Variants in ZCCHC4 observed in about 807,000 individuals in gnomAD.
ZCCHC4 encodes the protein zinc finger CCHC-type containing 4.
ZCCHC4 carries 54 observed loss-of-function variants against 67.7 expected under a neutral mutation model. That is an observed-to-expected ratio of 0.80 (90% CI 0.64 to 1.00). ZCCHC4 has a LOEUF of 1.00. Ranked by LOEUF, ZCCHC4 falls within the 50% of genes least tolerant of loss-of-function variation. The pLI is 0.00. For missense variants in ZCCHC4, 609 were observed against 617.0 expected (o/e 0.99, Z 0.14); for synonymous variants, 198 against 213.5 (o/e 0.93, Z 0.63).
Position 25,369,872 on chromosome 4 carries a change from A to C in ZCCHC4, c.*708A>C, listed in dbSNP as rs1361425852. ...AAAAGTATGTTAATTTAAATAGGAA[A>C]ATATTTTATGTTAAATATGAAACAA... On this transcript the variant is annotated 3_prime_UTR_variant, in exon 13 of 13. Transcript: ENST00000302874. 6.6e-6 allele frequency: 1 copy of C among 152,228 alleles called. No homozygotes were observed. Among genetic ancestry groups the C allele is most frequent in the Admixed American group, 6.5e-5 (1 of 15,286 alleles). 9.4% of individuals were successfully genotyped at this position (152,228 alleles called of 1,614,324 possible).
intron 3 of ZCCHC4, among the ~76,000 whole-genome samples, chr4:25,332,095 G>A (rs1021615824): frequency 6.6e-6 from 1 of 152,108 alleles, no homozygotes; most frequent in South Asian, 2.1e-4. Context: ...ATCACCTGAG[G>A]TCAGGAGTTT....
At chr4:25,322,683 A>G (rs1404781803) in intron 3 of ZCCHC4, among the ~76,000 whole-genome samples, 5 of 151,900 alleles carry the variant, frequency 3.3e-5, no homozygotes, top group Non-Finnish European at 5.9e-5. Context: ...ATGCCTGGCT[A>G]ATTTTTGTAT....
chr4:25,358,529 T>C (rs1236462975), intron 8 of ZCCHC4, among the ~76,000 whole-genome samples: 2 of 152,254 alleles, frequency 1.3e-5, no homozygotes, highest in Non-Finnish European at 2.9e-5. Context: ...CAATGTGAAT[T>C]TGTCATAACA....
rs770562257 is a variant in ZCCHC4, at chr4:25,345,528, ACT to A, written c.687-17_687-16del. On this transcript the variant is annotated intron_variant, in intron 5 of 12. Transcript: ENST00000302874. ...CTCTATAGCTGTGACTGGGCAAATAACTCTGTAATTATTTTACAGGTATTCAC... is the reference window on the plus strand; with the variant it reads ...CTCTATAGCTGTGACTGGGCAAATAACTGTAATTATTTTACAGGTATTCAC... 26 of 1,331,294 alleles carry A rather than the reference ACT, an allele frequency of 2.0e-5. No homozygotes were observed. Among genetic ancestry groups the A allele is most frequent in the Admixed American group, 1.7e-4 (10 of 57,528 alleles). The allele number at this position is 1,331,294 out of a possible 1,614,324, so 82.5% of individuals were successfully genotyped here.
At chr4:25,314,185 T>C (rs1481863733) in intron 2 of ZCCHC4, 21 bp downstream of exon 2, 1 of 1,493,742 alleles carries the variant, frequency 6.7e-7, no homozygotes, top group East Asian at 2.3e-5. Context: ...TTTTTGGATA[T>C]TTATTTTTTA....
At chr4:25,339,204 C>G (rs1417895891) in intron 5 of ZCCHC4, among the ~76,000 whole-genome samples, 3 of 152,144 alleles carry the variant, frequency 2.0e-5, no homozygotes, top group Non-Finnish European at 4.4e-5. Context: ...ACTTAATTAC[C>G]TCTTTAAAGG....
At position 25,345,680 on chromosome 4, in the gene ZCCHC4, G is replaced by T; in HGVS notation, c.759+60G>T. 2.7e-6 allele frequency: 3 copies of T among 1,126,402 alleles called. No individual in the cohort carries two copies. In the South Asian group the frequency reaches 4.1e-5, roughly 15 times the overall value. 69.8% of individuals were successfully genotyped at this position (1,126,402 alleles called of 1,614,324 possible). ...ATTGTGGAATAACAGATTTCAGAGT[G>T]CCTCCTTTGTTCTTTTTCTAAATTC... On this transcript the variant is annotated intron_variant, in intron 6 of 12. Transcript: ENST00000302874.
Position 25,355,371 on chromosome 4 carries a change from T to C in ZCCHC4, c.1011+3682T>C, listed in dbSNP as rs151181038. 3.9e-5 allele frequency among the ~76,000 whole-genome samples: 6 copies of C among 152,340 alleles called. No homozygotes were observed. In the East Asian group the frequency reaches 1.2e-3, roughly 29 times the overall value. ...AAGCCTGATAAATTGCTAGTGATTT[T>C]CTGGAGAATTTGTTGAGAATACCAG... On this transcript the variant is annotated intron_variant, in intron 8 of 12. Coordinates refer to ENST00000302874, the MANE Select transcript of ZCCHC4 (RefSeq NM_024936.3).
At chr4:25,316,875 C>G in intron 3 of ZCCHC4, among the ~76,000 whole-genome samples, 1 of 151,962 alleles carries the variant, frequency 6.6e-6, no homozygotes, top group South Asian at 2.1e-4. Context: ...AGATCAGAAC[C>G]CATTATCAAA....
chr4:25,366,200 C>G, intron 12 of ZCCHC4: 1 of 971,820 alleles, frequency 1.0e-6, no homozygotes, highest in Non-Finnish European at 1.2e-6. Context: ...ATTCTGGCTA[C>G]TATTACAACT....
chr4:25,324,679 C>T (rs1030787046), intron 3 of ZCCHC4, among the ~76,000 whole-genome samples: 6 of 152,164 alleles, frequency 3.9e-5, no homozygotes, highest in African/African-American at 1.2e-4. Context: ...CAGCAACGTA[C>T]GAGGAATCAG....
intron 3 of ZCCHC4, among the ~76,000 whole-genome samples, chr4:25,318,419 C>T (rs1279784813): frequency 3.7e-5 from 5 of 133,604 alleles, no homozygotes; most frequent in Admixed American, 2.6e-4. Context: ...GGCAGTGGCG[C>T]GATCTCATCT....
In ZCCHC4 at chr4:25,369,891, G is replaced by A. The variant is rs1466066983; in HGVS notation, c.*727G>A. The A allele has an allele frequency of 6.6e-6, 1 of 152,112 alleles. No individual in the cohort carries two copies. The highest frequency in any genetic ancestry group is 1.9e-4 in the East Asian group (1 of 5,200). The allele number at this position is 152,112 out of a possible 1,614,324, so 9.4% of individuals were successfully genotyped here. A position where few individuals can be genotyped will look rare whatever the true frequency, so the allele number is the denominator to read the frequency against. ...TAGGAAAATATTTTATGTTAAATAT[G>A]AAACAATAGTTTAAACCCCACTTGA... is the stretch of plus-strand genomic sequence containing the variant. On this transcript the variant is annotated 3_prime_UTR_variant, in exon 13 of 13. Transcript: ENST00000302874.
rs372768133 is a variant in ZCCHC4, at chr4:25,312,867, C to T, written c.58C>T (p.Arg20Trp). The change falls in exon 1 of 13, where the codon CGG becomes TGG. Residue 20 changes from arginine (R) to tryptophan (W), a missense_variant. By Grantham distance (101) the Arg-to-Trp change is moderately radical. Transcript: ENST00000302874. ...GGAGGCAGAGGGCAGCGCAGGGTGC[C>T]GGGGAAGCTCGGGAATGGAGGTGGT... Reference protein sequence around the residue: ...AVEAEGSAGCRGSSGMEVVLP... With the variant: ...AVEAEGSAGCWGSSGMEVVLP... 3 of 1,612,978 alleles carry T rather than the reference C, an allele frequency of 1.9e-6. No homozygotes were observed. The highest frequency in any genetic ancestry group is 1.7e-6 in the Non-Finnish European group (2 of 1,180,020).
intron 12 of ZCCHC4, chr4:25,366,104 A>G: frequency 1.0e-6 from 1 of 975,834 alleles, no homozygotes; most frequent in Non-Finnish European, 1.2e-6. Flanking sequence ...ATAATTATTT[A>G]TGGTAATATT....
chr4:25,336,069 G>GT (rs1438443414), intron 5 of ZCCHC4, among the ~76,000 whole-genome samples: 2 of 152,168 alleles, frequency 1.3e-5, no homozygotes, highest in East Asian at 3.8e-4. Context: ...TATTTCAGTG[G>GT]TTTTTGTTGT....
chr4:25,348,748 T>C (rs1720141424), intron 6 of ZCCHC4, among the ~76,000 whole-genome samples: 2 of 152,296 alleles, frequency 1.3e-5, no homozygotes, highest in South Asian at 4.1e-4. Flanking sequence ...TCAGGGATAC[T>C]GAGGGGACTG....
intron 3 of ZCCHC4, among the ~76,000 whole-genome samples, chr4:25,318,135 T>C (rs1180208038): frequency 6.6e-6 from 1 of 152,156 alleles, no homozygotes; most frequent in Admixed American, 6.5e-5. Context: ...TCCTTCTGGC[T>C]TTTTTTCCAA....
intron 6 of ZCCHC4, among the ~76,000 whole-genome samples, chr4:25,348,649 A>G (rs1720137336): frequency 6.6e-6 from 1 of 152,190 alleles, no homozygotes; most frequent in African/African-American, 2.4e-5. Flanking sequence ...GAGGATGTGC[A>G]TAGGTTATGT....
Sources: allele counts gnomAD v4.1 joint callset (sites outside exome capture counted in the v4.1 genomes callset), GRCh38; gene constraint gnomAD v4.1.1; transcripts MANE v1.5; gene names NCBI Gene and HGNC (gene_info 2026-07-23, HGNC 2026-07-21).